RBFOX1: variants seen among roughly 807,000 people sequenced by gnomAD.
The protein encoded by RBFOX1 is RNA binding fox-1 homolog 1, also known as RNA binding protein fox-1 homolog 1.
A neutral mutation model predicts 57.7 loss-of-function variants in RBFOX1; 8 were observed. The observed-to-expected ratio is 0.14, with a 90% CI of 0.08 to 0.25. RBFOX1 has a LOEUF of 0.25. Among genes scored for constraint, RBFOX1 ranks in the 10% least tolerant of loss-of-function variants. The probability of loss-of-function intolerance (pLI) is 1.00; values close to 1 mark genes in which losing one functional copy is unlikely to be tolerated. For missense variants in RBFOX1, 611 were observed against 548.5 expected (o/e 1.11, Z -1.14); for synonymous variants, 326 against 222.4 (o/e 1.47, Z -4.15).
In RBFOX1 at chr16:7,080,525, A is replaced by T. The variant is rs148205015; in HGVS notation, c.27+28427A>T. 2.0e-5 allele frequency among the ~76,000 whole-genome samples: 3 copies of T among 152,290 alleles called. No individual in the cohort carries two copies. The East Asian group carries it at 5.8e-4, about 29-fold the overall frequency. Reference sequence around the variant, plus strand: ...CCTTCATGTTTGTTATAAAGTTTGCAGATCACCATCCCTGTAGTCACTTAA... The same window carrying T: ...CCTTCATGTTTGTTATAAAGTTTGCTGATCACCATCCCTGTAGTCACTTAA... On this transcript the variant is annotated intron_variant, in intron 4 of 15. Coordinates refer to ENST00000550418, the MANE Select transcript of RBFOX1 (RefSeq NM_018723.4).
chr16:5,485,699 C>G (rs559704593), intron 2 of RBFOX1, among the ~76,000 whole-genome samples: 1 of 152,312 alleles, frequency 6.6e-6, no homozygotes, highest in East Asian at 1.9e-4. Context: ...AGATTTTTAA[C>G]TAAGAGATTC....
chr16:6,249,772 C>CTT lies in RBFOX1; in HGVS notation c.-126-67209_-126-67208dup, dbSNP rs55802545. ...TCCTGATCAGCTTCACATTTTTTTT[C>CTT]TTTTTTTTTTTTTTTATTATACTTT... is the stretch of plus-strand genomic sequence containing the variant. On this transcript the variant is annotated intron_variant, in intron 1 of 15. Coordinates refer to ENST00000550418, the MANE Select transcript of RBFOX1 (RefSeq NM_018723.4). 1.0e-2 allele frequency among the ~76,000 whole-genome samples: 1,402 copies of CTT among 140,642 alleles called. 12 individuals are homozygous for CTT. The highest frequency in any genetic ancestry group is 0.013 in the East Asian group (62 of 4,836). The allele number at this position is 140,642 out of a possible 152,430, so 92.3% of individuals were successfully genotyped here.
intron 2 of RBFOX1, among the ~76,000 whole-genome samples, chr16:6,440,971 T>C (rs1181123894): frequency 1.3e-5 from 2 of 151,950 alleles, no homozygotes; most frequent in Non-Finnish European, 2.9e-5. Context: ...GCTGCGTCTG[T>C]GGAGTGTATG....
rs75189526 is a variant in RBFOX1 at position 6,004,706 on chromosome 16, C to T, written c.351+137371C>T. On this transcript the variant is annotated intron_variant, in intron 4 of 19. Transcript: ENST00000641259. ...GAGATAGTGTCTGACTTTAGAGGTC[C>T]TCATCAGGGTATATTGATACTCGGC... is the stretch of plus-strand genomic sequence containing the variant. Among the ~76,000 whole-genome samples, 962 of 152,226 alleles carry T rather than the reference C, an allele frequency of 6.3e-3. 16 individuals are homozygous for T. The highest frequency in any genetic ancestry group is 0.022 in the African/African-American group (929 of 41,526).
intron 5 of RBFOX1, among the ~76,000 whole-genome samples, chr16:7,520,144 C>T (rs1384188279): frequency 6.6e-6 from 1 of 152,154 alleles, no homozygotes; most frequent in African/African-American, 2.4e-5. Flanking sequence ...CTCGGCCTCC[C>T]AAAGTGCTGG....
intron 1 of RBFOX1, among the ~76,000 whole-genome samples, chr16:5,274,436 T>C (rs777726253): frequency 2.0e-5 from 3 of 152,072 alleles, no homozygotes; most frequent in Non-Finnish European, 4.4e-5. Flanking sequence ...GGCTGAAGCA[T>C]GAGATTCGCT....
At chr16:5,271,337 G>A (rs2063000534) in intron 1 of RBFOX1, among the ~76,000 whole-genome samples, 1 of 149,134 alleles carries the variant, frequency 6.7e-6, no homozygotes, top group South Asian at 2.2e-4. Context: ...AGCCTGGATT[G>A]CAGAAGAAGA....
chr16:7,048,239 T>G (rs1481727686), intron 3 of RBFOX1, among the ~76,000 whole-genome samples: 6 of 151,670 alleles, frequency 4.0e-5, no homozygotes, highest in Admixed American at 3.9e-4. Flanking sequence ...TAAAATTTCC[T>G]TTTGATTTTT....
intron 3 of RBFOX1, among the ~76,000 whole-genome samples, chr16:6,899,321 G>C (rs1455381313): frequency 2.0e-5 from 3 of 152,192 alleles, no homozygotes; most frequent in Non-Finnish European, 2.9e-5. Context: ...ATGTTTCAGG[G>C]TTTCCTTGCA....
At chr16:7,030,293 T>A (rs1357763461) in intron 3 of RBFOX1, among the ~76,000 whole-genome samples, 1 of 152,144 alleles carries the variant, frequency 6.6e-6, no homozygotes, top group Non-Finnish European at 1.5e-5. Context: ...TTCATACCCA[T>A]TTTACAGATG....
chr16:6,632,682 C>T lies in RBFOX1; in HGVS notation c.-63-21921C>T, dbSNP rs1007441182. On this transcript the variant is annotated intron_variant, in intron 2 of 15. Transcript: ENST00000550418. ...GGCCTGACTGATATCCGGCGAAGGCCTTCTTTGGCTGAAGTGCTTGCCAGG... is the reference window on the plus strand; with the variant it reads ...GGCCTGACTGATATCCGGCGAAGGCTTTCTTTGGCTGAAGTGCTTGCCAGG... Among the ~76,000 whole-genome samples the T allele has an allele frequency of 4.6e-5, 7 of 152,210 alleles. No individual in the cohort carries two copies. The East Asian group carries it at 1.3e-3, about 29-fold the overall frequency.
At chr16:5,391,441 C>T (rs925435923) in intron 1 of RBFOX1, among the ~76,000 whole-genome samples, 23 of 152,100 alleles carry the variant, frequency 1.5e-4, no homozygotes, top group Admixed American at 1.1e-3. Flanking sequence ...GGGTTAAATC[C>T]TTCTCACACT....
intron 4 of RBFOX1, among the ~76,000 whole-genome samples, chr16:7,273,273 T>C (rs1340971038): frequency 2.4e-5 from 3 of 123,702 alleles, no homozygotes; most frequent in African/African-American, 2.8e-5. Context: ...TCCCTTTCTC[T>C]TTTTCTCATC....
At chr16:6,568,716 C>A (rs1452267895) in intron 2 of RBFOX1, among the ~76,000 whole-genome samples, 1 of 152,100 alleles carries the variant, frequency 6.6e-6, no homozygotes, top group South Asian at 2.1e-4. Context: ...ATGTCTTCTT[C>A]CATTTCAGGG....
intron 2 of RBFOX1, among the ~76,000 whole-genome samples, chr16:6,562,986 T>C (rs1359089119): frequency 2.0e-5 from 3 of 149,430 alleles, no homozygotes; most frequent in African/African-American, 7.4e-5. Flanking sequence ...GCAATGTACC[T>C]TCCATGAAGC....
chr16:5,736,305 C>T (rs1297965830), intron 3 of RBFOX1, among the ~76,000 whole-genome samples: 1 of 152,142 alleles, frequency 6.6e-6, no homozygotes, highest in Non-Finnish European at 1.5e-5. Flanking sequence ...GAGCTGCCTC[C>T]TTTGTGTCAG....
chr16:7,346,338 G>A (rs1180587062), intron 4 of RBFOX1, among the ~76,000 whole-genome samples: 2 of 151,896 alleles, frequency 1.3e-5, no homozygotes, highest in African/African-American at 4.8e-5. Context: ...TGGCAGAGGA[G>A]CATTCTACCC....
At position 6,590,423 on chromosome 16, in the gene RBFOX1, G is replaced by A. The variant is rs182527533; in HGVS notation, c.-63-64180G>A. On this transcript the variant is annotated intron_variant, in intron 2 of 15. Transcript: ENST00000550418. ...AATCAAAAGCTAATTTTTTTTGTGT[G>A]TGTAGGTGGTATAGAATTCCATGCT... 2.0e-5 allele frequency among the ~76,000 whole-genome samples: 3 copies of A among 152,242 alleles called. No individual in the cohort carries two copies. In the East Asian group the frequency reaches 5.8e-4, roughly 29 times the overall value.
At chr16:6,958,915 C>G (rs1017122514) in intron 3 of RBFOX1, among the ~76,000 whole-genome samples, 1 of 151,898 alleles carries the variant, frequency 6.6e-6, no homozygotes, top group African/African-American at 2.4e-5. Context: ...AATGACAAGG[C>G]GTATTCTCCA....
Sources: gnomAD v4.1 joint callset for allele counts (sites outside exome capture counted in the v4.1 genomes callset) on GRCh38, gnomAD v4.1.1 for gene constraint, MANE v1.5 for transcripts, NCBI Gene and HGNC (gene_info 2026-07-23, HGNC 2026-07-21) for gene names.